Variants in ZRANB3 observed in about 807,000 individuals in gnomAD.
ZRANB3 encodes the protein zinc finger RANBP2-type containing 3.
ZRANB3 carries 125 observed loss-of-function variants against 133.8 expected under a neutral mutation model. That is an observed-to-expected ratio of 0.93 (90% confidence interval 0.81 to 1.08). ZRANB3 has a LOEUF of 1.08. Ranked by LOEUF, ZRANB3 falls within the 50% of genes least tolerant of loss-of-function variation. The probability of loss-of-function intolerance (pLI) is 0.00; values close to 1 mark genes in which losing one functional copy is unlikely to be tolerated. For synonymous variants in ZRANB3, 387 were observed against 432.7 expected, an observed-to-expected ratio of 0.89 and a Z score of 1.31; for missense variants, 1,229 against 1,275.5, an observed-to-expected ratio of 0.96 and a Z score of 0.56.
At chr2:135,243,621 C>CTT (rs57788474) in intron 12 of ZRANB3, among the ~76,000 whole-genome samples, 1 of 151,538 alleles carries the variant, frequency 6.6e-6, no homozygotes, top group Non-Finnish European at 1.5e-5. Flanking sequence ...CTTAAAAAAA[C>CTT]TTTTTTTTTC....
At chr2:135,506,960 C>A (rs1693216109) in intron 1 of ZRANB3, among the ~76,000 whole-genome samples, 1 of 152,182 alleles carries the variant, frequency 6.6e-6, no homozygotes, top group African/African-American at 2.4e-5. Context: ...CCTCTCACCA[C>A]CACCACCCCC....
At chr2:135,343,769 A>T (rs539329688) in intron 6 of ZRANB3, among the ~76,000 whole-genome samples, 1 of 150,176 alleles carries the variant, frequency 6.7e-6, no homozygotes, top group African/African-American at 2.5e-5. Flanking sequence ...AATTACTCAT[A>T]TGTGTGAAAA....
At chr2:135,394,269 T>C (rs1687377526) in intron 2 of ZRANB3, among the ~76,000 whole-genome samples, 1 of 152,120 alleles carries the variant, frequency 6.6e-6, no homozygotes, top group South Asian at 2.1e-4. Flanking sequence ...AAGCAAACCA[T>C]TTCAGTAAAA....
Position 135,219,146 on chromosome 2 carries a change from AG to A in ZRANB3, c.2282del (p.Pro761LeufsTer4). 3 of 1,537,990 alleles carry A rather than the reference AG, an allele frequency of 2.0e-6. No homozygotes were observed. The highest frequency in any genetic ancestry group is 2.6e-6 in the Non-Finnish European group (3 of 1,147,588). ...DGKQMSCNFI[P>X]LDIKLDLWED... ...CCCAAAGGTCTAATTTTATATCCAG[AG>A]GAATGAAATTACAGCTCATCTGTTT... On this transcript the variant is annotated frameshift_variant, in exon 16 of 21. Coordinates refer to ENST00000264159, the MANE Select transcript of ZRANB3 (RefSeq NM_032143.4). LOFTEE classifies it high-confidence loss of function.
chr2:135,408,525 C>T (rs1274139099), intron 2 of ZRANB3, among the ~76,000 whole-genome samples: 4 of 152,246 alleles, frequency 2.6e-5, no homozygotes, highest in South Asian at 4.1e-4. Context: ...CACATGCACA[C>T]GTATGTTTAT....
chr2:135,501,875 G>A (rs1176356488), intron 2 of ZRANB3, among the ~76,000 whole-genome samples: 1 of 152,026 alleles, frequency 6.6e-6, no homozygotes, highest in Non-Finnish European at 1.5e-5. Context: ...CCCACTATTA[G>A]CAATACCAAG....
intron 3 of ZRANB3, among the ~76,000 whole-genome samples, chr2:135,375,408 G>A (rs1041295326): frequency 3.9e-5 from 6 of 151,976 alleles, no homozygotes; most frequent in African/African-American, 7.3e-5. Context: ...CAAAGTGGCC[G>A]GGCACGGTGG....
intron 6 of ZRANB3, among the ~76,000 whole-genome samples, chr2:135,316,689 C>T (rs549517353): frequency 6.6e-6 from 1 of 152,088 alleles, no homozygotes; most frequent in Non-Finnish European, 1.5e-5. Context: ...TACTTGTAGC[C>T]GGGCACGGTG....
intron 2 of ZRANB3, among the ~76,000 whole-genome samples, chr2:135,468,960 C>G (rs1172464835): frequency 6.6e-6 from 1 of 151,994 alleles, no homozygotes; most frequent in Non-Finnish European, 1.5e-5. Context: ...GTAGGAGTGA[C>G]AACTACAATG....
intron 6 of ZRANB3, among the ~76,000 whole-genome samples, chr2:135,343,221 C>G (rs917759155): frequency 6.8e-6 from 1 of 146,870 alleles, no homozygotes; most frequent in Non-Finnish European, 1.5e-5. Flanking sequence ...AGGGTAAATG[C>G]TATATTTTAC....
At chr2:135,477,550 G>A (rs772164960) in intron 2 of ZRANB3, among the ~76,000 whole-genome samples, 9 of 152,220 alleles carry the variant, frequency 5.9e-5, no homozygotes, top group Non-Finnish European at 8.8e-5. Flanking sequence ...ATGACTGGCT[G>A]CTATCTATTG....
At position 135,315,509 on chromosome 2, in the gene ZRANB3, C is replaced by A; in HGVS notation, c.699G>T (p.Gln233His). The stretch of plus-strand genomic sequence containing the variant: ...GATTTGATGCCCCTCTACAATCCCA[C>A]TGAGGTCTTTTACCAAAATATCTGT... Reference protein sequence around the residue: ...AHIRYFGKRPQWDCRGASNLN... With the variant: ...AHIRYFGKRPHWDCRGASNLN... Residue 233 changes from glutamine (Q) to histidine (H), a missense_variant, in exon 7 of 21, where the codon CAG (glutamine) becomes CAT (histidine). Transcript: ENST00000264159. The A allele has an allele frequency of 6.5e-7, 1 of 1,543,706 alleles. No individual in the cohort carries two copies. The highest frequency in any genetic ancestry group is 8.7e-7 in the Non-Finnish European group (1 of 1,151,626).
chr2:135,391,963 G>T (rs1337543136), intron 2 of ZRANB3, among the ~76,000 whole-genome samples: 1 of 152,092 alleles, frequency 6.6e-6, no homozygotes, highest in Admixed American at 6.6e-5. Flanking sequence ...TCTATGCAAT[G>T]ATAATTGAGG....
Position 135,287,980 on chromosome 2 carries a change from AGTG to A in ZRANB3, c.967-12228_967-12226del, listed in dbSNP as rs200788268. Among the ~76,000 whole-genome samples the A allele has an allele frequency of 4.7e-4, 72 of 152,214 alleles. 2 individuals are homozygous for A. The East Asian group carries it at 0.014, about 29-fold the overall frequency. ...GACTTTCAGTACTATGTTGAATAGAAGTGGTGAAGTGGGCATCCTTGCCTTGTT... is the reference window on the plus strand; with the variant it reads ...GACTTTCAGTACTATGTTGAATAGAAGTGAAGTGGGCATCCTTGCCTTGTT... On this transcript the variant is annotated intron_variant, in intron 8 of 20. Coordinates refer to ENST00000264159, the MANE Select transcript of ZRANB3 (RefSeq NM_032143.4).
chr2:135,499,061 T>A (rs1574209246), intron 2 of ZRANB3, among the ~76,000 whole-genome samples: 1 of 152,224 alleles, frequency 6.6e-6, no homozygotes, highest in South Asian at 2.1e-4. Flanking sequence ...GTACACTCCC[T>A]CCCCTTTTGA....
At chr2:135,244,107 CAAAA>C (rs566334496) in intron 12 of ZRANB3, among the ~76,000 whole-genome samples, 4 of 121,474 alleles carry the variant, frequency 3.3e-5, no homozygotes, top group Non-Finnish European at 5.5e-5. Flanking sequence ...ATTTCCCCAC[CAAAA>C]AAAAAAAAAA....
At chr2:135,364,683 C>T (rs529201154) in intron 3 of ZRANB3, among the ~76,000 whole-genome samples, 6 of 152,074 alleles carry the variant, frequency 3.9e-5, no homozygotes, top group Middle Eastern at 3.4e-3. Context: ...CCCTGGGAGG[C>T]GAAGGTTGCA....
chr2:135,520,400 G>GA (rs1445716393), intron 1 of ZRANB3, among the ~76,000 whole-genome samples: 2 of 144,574 alleles, frequency 1.4e-5, no homozygotes, highest in African/African-American at 2.6e-5. Context: ...ACCTCAAAGA[G>GA]AAAAAAGGAT....
At chr2:135,481,213 T>C (rs888577366) in intron 2 of ZRANB3, among the ~76,000 whole-genome samples, 2 of 151,156 alleles carry the variant, frequency 1.3e-5, no homozygotes, top group Admixed American at 1.3e-4. Context: ...ATGGATGAAC[T>C]AGTTTACAGT....
Sources: allele counts gnomAD v4.1 joint callset (sites outside exome capture counted in the v4.1 genomes callset), GRCh38; gene constraint gnomAD v4.1.1; transcripts MANE v1.5; gene names NCBI Gene and HGNC (gene_info 2026-07-23, HGNC 2026-07-21).